ILDR1: variants seen among roughly 807,000 people sequenced by gnomAD.
ILDR1 encodes immunoglobulin-like domain-containing receptor 1.
ILDR1 carries 56 observed loss-of-function variants against 62.4 expected under a neutral mutation model. That is an observed-to-expected ratio of 0.90 (90% CI 0.72 to 1.12). The LOEUF (loss-of-function observed/expected upper bound fraction) is 1.12. ILDR1 is among the 50% of genes most tolerant of loss of function. ILDR1 has a pLI of 0.00. For synonymous variants in ILDR1, 284 were observed against 277.8 expected, an observed-to-expected ratio of 1.02 and a Z score of -0.22; for missense variants, 736 against 710.6, an observed-to-expected ratio of 1.04 and a Z score of -0.41.
the ILDR1 span, among the ~76,000 whole-genome samples, chr3:122,050,752 A>G: frequency 4.0e-5 from 6 of 151,814 alleles, 1 homozygote; most frequent in South Asian, 2.1e-4. Flanking sequence ...TTATACTTTC[A>G]TGTTTTTGTA....
intron 2 of ILDR1, among the ~76,000 whole-genome samples, chr3:122,005,821 C>T (rs192212609): frequency 1.3e-5 from 2 of 152,148 alleles, no homozygotes; most frequent in Admixed American, 6.5e-5. Context: ...GTCACTTGAA[C>T]CCAGGAGGCA....
the ILDR1 span, among the ~76,000 whole-genome samples, chr3:122,045,921 T>G: frequency 1.3e-5 from 2 of 151,312 alleles, no homozygotes; most frequent in Non-Finnish European, 3.0e-5. Flanking sequence ...CATTTACATT[T>G]AAAGTTAATA....
chr3:122,021,052 T>C (rs1164928874), intron 1 of ILDR1, among the ~76,000 whole-genome samples: 2 of 152,196 alleles, frequency 1.3e-5, no homozygotes, highest in East Asian at 3.9e-4. Context: ...CACACCTTCA[T>C]ATTGCATCTG....
rs148572399 is a variant in ILDR1, at chr3:122,009,082, C to T, written c.59-1921G>A. Among the ~76,000 whole-genome samples the T allele has an allele frequency of 1.1e-4, 16 of 151,946 alleles. 1 individual carries two copies. The East Asian group carries it at 2.9e-3, about 28-fold the overall frequency. On this transcript the variant is annotated intron_variant, in intron 1 of 7. Coordinates refer to ENST00000344209, the MANE Select transcript of ILDR1 (RefSeq NM_001199799.2). ...CCAAGTAGCTGAGACTACAGGCATG[C>T]ACCACCATGCCTGACTTTTTAAATT...
intron 1 of ILDR1, among the ~76,000 whole-genome samples, chr3:122,020,894 C>A (rs1352770326): frequency 6.6e-6 from 1 of 152,142 alleles, no homozygotes; most frequent in African/African-American, 2.4e-5. Flanking sequence ...TATCAATTTT[C>A]TAGTTTCCCT....
Position 121,993,512 on chromosome 3 carries a change from T to C in ILDR1, c.1237A>G (p.Ile413Val), listed in dbSNP as rs543663707. 3.1e-6 allele frequency: 5 copies of C among 1,614,228 alleles called. No individual in the cohort carries two copies. The highest frequency in any genetic ancestry group is 1.1e-5 in the South Asian group (1 of 91,086). The change falls in exon 7 of 8, where the codon ATA becomes GTA. Residue 413 changes from isoleucine to valine, a missense_variant. Ile to Val is a conservative substitution (Grantham distance 29). Coordinates refer to ENST00000344209, the MANE Select transcript of ILDR1 (RefSeq NM_001199799.2). The stretch of plus-strand genomic sequence containing the variant: ...AGGCTGTCCCTGTCTGACCAGTGTA[T>C]GGGTGACCCATTCAGCCTAGAGCTA... ...HRSSRLNGSP[I>V]HWSDRDSLSD...
chr3:122,015,571 C>A (rs1003639381), intron 1 of ILDR1, among the ~76,000 whole-genome samples: 5 of 152,136 alleles, frequency 3.3e-5, no homozygotes, highest in African/African-American at 1.2e-4. Context: ...TAAGGAGCTT[C>A]CCCCTTCACT....
chr3:121,988,419 G>A lies in ILDR1; in HGVS notation c.1600-11C>T. 6.2e-7 allele frequency: 1 copy of A among 1,611,560 alleles called. No homozygotes were observed. Among genetic ancestry groups the A allele is most frequent in the Non-Finnish European group, 8.5e-7 (1 of 1,177,784 alleles). On this transcript the variant is annotated splice_polypyrimidine_tract_variant and intron_variant, in intron 7 of 7. Transcript: ENST00000344209. ...AGAGCTGTCTTTCTCCTGGGAAATAGAAGAATACACACACAAAAAAAATCC... is the reference window on the plus strand; with the variant it reads ...AGAGCTGTCTTTCTCCTGGGAAATAAAAGAATACACACACAAAAAAAATCC...
the ILDR1 span, among the ~76,000 whole-genome samples, chr3:122,029,500 C>T: frequency 5.7e-4 from 57 of 99,758 alleles, no homozygotes; most frequent in African/African-American, 1.9e-3. Context: ...GGTGACACTC[C>T]GTCTAAAAAA....
the ILDR1 span, chr3:122,055,272 A>G: frequency 1.9e-6 from 1 of 537,420 alleles, no homozygotes; most frequent in Non-Finnish European, 3.3e-6. Context: ...ACTGCAAGGA[A>G]AGGGTTAAAT....
chr3:121,998,658 G>A (rs1349730442), intron 5 of ILDR1, among the ~76,000 whole-genome samples: 3 of 152,124 alleles, frequency 2.0e-5, no homozygotes. Context: ...CACGAACCTA[G>A]GGAGTCTAAG....
chr3:122,038,252 G>T, the ILDR1 span, among the ~76,000 whole-genome samples: 4 of 152,208 alleles, frequency 2.6e-5, no homozygotes. Flanking sequence ...TCAGAGAGTT[G>T]CAAGAGACAA....
chr3:122,012,757 T>G (rs541460991), intron 1 of ILDR1, among the ~76,000 whole-genome samples: 2 of 152,328 alleles, frequency 1.3e-5, no homozygotes, highest in South Asian at 4.1e-4. Context: ...GTACTTATCT[T>G]GACTACTTCA....
chr3:122,021,998 G>C, intron 1 of ILDR1, 22 bp downstream of exon 1: 5 of 1,604,690 alleles, frequency 3.1e-6, no homozygotes, highest in African/African-American at 1.3e-5. Context: ...TCCAGGGTGG[G>C]TACCATTTTT....
At chr3:122,015,477 A>G (rs2071764018) in intron 1 of ILDR1, among the ~76,000 whole-genome samples, 2 of 152,150 alleles carry the variant, frequency 1.3e-5, no homozygotes, top group African/African-American at 4.8e-5. Flanking sequence ...TGTTGGAGGG[A>G]CCAGGTGGAG....
chr3:122,002,041 G>A (rs568994590), intron 3 of ILDR1, among the ~76,000 whole-genome samples, 177 bp from the exon 4 acceptor site: 17 of 152,186 alleles, frequency 1.1e-4, no homozygotes, highest in South Asian at 2.1e-4. Context: ...TCTGGAGACC[G>A]AGGTGGGAGG....
intron 5 of ILDR1, among the ~76,000 whole-genome samples, chr3:121,996,896 G>T (rs1353557497): frequency 4.0e-5 from 6 of 151,784 alleles, no homozygotes; most frequent in South Asian, 2.1e-4. Flanking sequence ...TGTTTTTTTT[G>T]TTGTTGTTGT....
chr3:122,040,533 A>G, the ILDR1 span, among the ~76,000 whole-genome samples: 1 of 151,984 alleles, frequency 6.6e-6, no homozygotes, highest in Non-Finnish European at 1.5e-5. Context: ...TAACTTCAAG[A>G]CTTATTATAA....
At chr3:122,024,276 C>T (rs1381909434), upstream of ILDR1, among the ~76,000 whole-genome samples, 1 of 152,176 alleles carries the variant, frequency 6.6e-6, no homozygotes, top group Non-Finnish European at 1.5e-5. Context: ...TCAGCATTCC[C>T]CCAAAGTCAT....
Sources: allele counts gnomAD v4.1 joint callset (sites outside exome capture counted in the v4.1 genomes callset), GRCh38; gene constraint gnomAD v4.1.1; transcripts MANE v1.5; gene names NCBI Gene and HGNC (gene_info 2026-07-23, HGNC 2026-07-21).